The following CAMK2D variants were observed in gnomAD, a reference collection of about 807,000 sequenced individuals.
CAMK2D encodes calcium/calmodulin-dependent protein kinase type II subunit delta.
A neutral mutation model predicts 84.0 loss-of-function variants in CAMK2D; 37 were observed. That is an observed-to-expected ratio of 0.44 (90% confidence interval 0.34 to 0.58). The LOEUF is 0.58. Ranked by LOEUF, CAMK2D falls within the 20% of genes least tolerant of loss-of-function variation. The pLI is 0.02. For missense variants in CAMK2D, 448 were observed against 652.5 expected (o/e 0.69, Z 3.41); for synonymous variants, 202 against 212.5 (o/e 0.95, Z 0.43).
chr4:113,455,736 T>A lies in CAMK2D; in HGVS notation c.*19A>T. 1 of 1,598,434 alleles carries A rather than the reference T, an allele frequency of 6.3e-7. No individual in the cohort carries two copies. The highest frequency in any genetic ancestry group is 1.1e-5 in the South Asian group (1 of 90,672). On this transcript the variant is annotated 3_prime_UTR_variant, in exon 20 of 21. Transcript: ENST00000511664. The stretch of plus-strand genomic sequence containing the variant: ...CAGGATGTTACTTACAAGACCCATA[T>A]GTGAATGGTTTTCAGGCCTTAGATG...
chr4:113,681,651 T>C (rs1178000622), intron 2 of CAMK2D, among the ~76,000 whole-genome samples: 1 of 152,212 alleles, frequency 6.6e-6, no homozygotes, highest in East Asian at 1.9e-4. Flanking sequence ...TTCAAGATTA[T>C]TTTGAGTAAC....
intron 3 of CAMK2D, among the ~76,000 whole-genome samples, chr4:113,649,102 GCAA>G (rs2099162826): frequency 6.6e-6 from 1 of 152,108 alleles, no homozygotes; most frequent in African/African-American, 2.4e-5. Flanking sequence ...TGATTCCACA[GCAA>G]CATCTTTGGT....
intron 4 of CAMK2D, among the ~76,000 whole-genome samples, chr4:113,597,838 A>G (rs574476310): frequency 6.6e-6 from 1 of 152,304 alleles, no homozygotes; most frequent in Non-Finnish European, 1.5e-5. Context: ...GAGCACTTAG[A>G]GGCCAGTGAA....
intron 4 of CAMK2D, among the ~76,000 whole-genome samples, chr4:113,577,453 T>C (rs1428796708): frequency 6.6e-6 from 1 of 152,168 alleles, no homozygotes; most frequent in Non-Finnish European, 1.5e-5. Context: ...AAACTCTCCA[T>C]TCTCCCCCTC....
intron 17 of CAMK2D, among the ~76,000 whole-genome samples, chr4:113,463,220 A>G (rs1017519567): frequency 1.3e-5 from 2 of 152,162 alleles, no homozygotes; most frequent in Non-Finnish European, 2.9e-5. Context: ...ATTTATAACT[A>G]ATGATAAAAG....
At chr4:113,538,972 G>A (rs1486654900) in intron 6 of CAMK2D, among the ~76,000 whole-genome samples, 9 of 152,096 alleles carry the variant, frequency 5.9e-5, no homozygotes, top group African/African-American at 1.4e-4. Context: ...CACTAAATAC[G>A]TAATTTAATT....
chr4:113,666,796 A>C (rs960130530), intron 2 of CAMK2D, among the ~76,000 whole-genome samples: 1 of 152,186 alleles, frequency 6.6e-6, no homozygotes, highest in Non-Finnish European at 1.5e-5. Flanking sequence ...TTTAAAATCC[A>C]GCTCTATCAC....
At position 113,465,671 on chromosome 4, in the gene CAMK2D, T is replaced by C. The variant is rs915926648; in HGVS notation, c.1136-67A>G. 6.9e-5 allele frequency: 70 copies of C among 1,014,184 alleles called. 1 individual carries two copies. Among genetic ancestry groups the C allele is most frequent in the Non-Finnish European group, 1.0e-4 (67 of 645,984 alleles). 62.8% of individuals were successfully genotyped at this position (1,014,184 alleles called of 1,614,324 possible). ...AAGTCATATTAAATATTCTTTTTCA[T>C]TTTTAATTTTTGAGATAGGGTCTCA... is the stretch of plus-strand genomic sequence containing the variant. On this transcript the variant is annotated intron_variant, in intron 16 of 20. Coordinates refer to ENST00000511664, the MANE Select transcript of CAMK2D (RefSeq NM_001321571.2).
chr4:113,651,178 C>T (rs779410352), intron 3 of CAMK2D, among the ~76,000 whole-genome samples: 9 of 152,112 alleles, frequency 5.9e-5, no homozygotes, highest in Non-Finnish European at 1.3e-4. Context: ...TGTTTACTTT[C>T]CTTCAACATA....
At chr4:113,722,612 C>A (rs929481378) in intron 2 of CAMK2D, among the ~76,000 whole-genome samples, 2 of 152,132 alleles carry the variant, frequency 1.3e-5, no homozygotes, top group Admixed American at 1.3e-4. Context: ...ATTATTCCAA[C>A]TGGGGTACTC....
At chr4:113,692,673 T>C (rs1238889743) in intron 2 of CAMK2D, among the ~76,000 whole-genome samples, 1 of 151,956 alleles carries the variant, frequency 6.6e-6, no homozygotes, top group Non-Finnish European at 1.5e-5. Flanking sequence ...TATTCATACA[T>C]ACATACTCAT....
At chr4:113,513,053 G>GA (rs1467291378) in intron 12 of CAMK2D, 2 of 325,222 alleles carry the variant, frequency 6.1e-6, no homozygotes, top group Non-Finnish European at 8.8e-6. Context: ...GCACTTGACA[G>GA]ATGAGGCTAG....
chr4:113,736,132 TA>T (rs5861147), intron 2 of CAMK2D, among the ~76,000 whole-genome samples: 5 of 145,880 alleles, frequency 3.4e-5, no homozygotes, highest in Non-Finnish European at 4.5e-5. Context: ...CTAGTAGAAT[TA>T]AAAAAAAAAA....
Position 113,454,275 on chromosome 4 carries a change from T to C in CAMK2D, c.*270A>G. Reference sequence around the variant, plus strand: ...TGTGGATTTTTTTTTTTGTCTAATCTCCCCCTATTGTTTTGCCAACAGTAA... The same window carrying C: ...TGTGGATTTTTTTTTTTGTCTAATCCCCCCCTATTGTTTTGCCAACAGTAA... On this transcript the variant is annotated 3_prime_UTR_variant, in exon 21 of 21. Transcript: ENST00000511664. 3.0e-6 allele frequency: 1 copy of C among 338,720 alleles called. No individual in the cohort carries two copies. The highest frequency in any genetic ancestry group is 5.4e-6 in the Non-Finnish European group (1 of 185,864). 21.0% of individuals were successfully genotyped at this position (338,720 alleles called of 1,614,324 possible). A position where few individuals can be genotyped will look rare whatever the true frequency, so the allele number is the denominator to read the frequency against.
At chr4:113,654,985 G>T (rs1330054280) in intron 3 of CAMK2D, among the ~76,000 whole-genome samples, 3 of 151,918 alleles carry the variant, frequency 2.0e-5, no homozygotes, top group African/African-American at 7.2e-5. Flanking sequence ...GCTAAGAAAT[G>T]AATTAATTAG....
intron 4 of CAMK2D, among the ~76,000 whole-genome samples, chr4:113,601,032 A>G (rs1285020398): frequency 6.6e-6 from 1 of 152,244 alleles, no homozygotes; most frequent in African/African-American, 2.4e-5. Context: ...TCTGGAATTT[A>G]TGACAATTAT....
chr4:113,667,053 G>A (rs115140963), intron 2 of CAMK2D, among the ~76,000 whole-genome samples: 95 of 152,226 alleles, frequency 6.2e-4, no homozygotes, highest in African/African-American at 2.2e-3. Context: ...CTACAGCCTC[G>A]AGTAAGAGAC....
intron 2 of CAMK2D, among the ~76,000 whole-genome samples, chr4:113,690,326 A>T (rs182497454): frequency 2.0e-5 from 3 of 152,332 alleles, no homozygotes. Flanking sequence ...ACTCGGACCA[A>T]TAATACATCT....
intron 2 of CAMK2D, among the ~76,000 whole-genome samples, chr4:113,706,810 G>T (rs1201118481): frequency 1.3e-5 from 2 of 152,246 alleles, no homozygotes; most frequent in East Asian, 1.9e-4. Context: ...TTAATGAAAT[G>T]ATTCAGACAG....
Sources: gnomAD v4.1 joint callset for allele counts (sites outside exome capture counted in the v4.1 genomes callset) on GRCh38, gnomAD v4.1.1 for gene constraint, MANE v1.5 for transcripts, NCBI Gene and HGNC (gene_info 2026-07-23, HGNC 2026-07-21) for gene names.